The following NFIX variants were observed in gnomAD, a reference collection of about 807,000 sequenced individuals.
The protein encoded by NFIX is nuclear factor 1 X-type.
A neutral mutation model predicts 53.3 loss-of-function variants in NFIX; 2 were observed. The ratio of observed to expected loss-of-function variants is 0.04; its 90% CI spans 0.02 to 0.12. The LOEUF is 0.12. Ranked by LOEUF, NFIX falls within the 10% of genes least tolerant of loss-of-function variation. The pLI, the probability that NFIX is intolerant of heterozygous loss-of-function variation, is 1.00. For missense variants in NFIX, 310 were observed against 674.5 expected (o/e 0.46, Z 5.99); for synonymous variants, 244 against 289.0 (o/e 0.84, Z 1.58).
Position 13,011,329 on chromosome 19 carries a change from T to G in NFIX, c.28-13692T>G, listed in dbSNP as rs2012329211. Among the ~76,000 whole-genome samples the G allele has an allele frequency of 6.6e-6, 1 of 152,204 alleles. No homozygotes were observed. Among genetic ancestry groups the G allele is most frequent in the African/African-American group, 2.4e-5 (1 of 41,448 alleles). On this transcript the variant is annotated intron_variant, in intron 1 of 10. Transcript: ENST00000592199. This position sits in a 1 kb window ranked among gnomAD's most constrained non-coding sequence, Gnocchi z 6.5. ...CTTAAATTAACCCTGAGTGACGGCTTGCAATTCGCCACAAAGAGGCCATTT... is the reference window on the plus strand; with the variant it reads ...CTTAAATTAACCCTGAGTGACGGCTGGCAATTCGCCACAAAGAGGCCATTT...
intron 1 of NFIX, chr19:13,024,516 G>T: frequency 1.3e-6 from 2 of 1,512,814 alleles, no homozygotes; most frequent in South Asian, 2.4e-5. Flanking sequence ...GCCAAAAATC[G>T]ACCGGTGTCG....
chr19:13,072,365 G>A lies in NFIX; in HGVS notation c.560-682G>A, dbSNP rs986881807. On this transcript the variant is annotated intron_variant, in intron 2 of 10. Transcript: ENST00000592199. The surrounding 1 kb of genome is among the most constrained non-coding windows in gnomAD (Gnocchi z 4.0). The stretch of plus-strand genomic sequence containing the variant: ...CTGAGCAGCTGTGGCACCGGGGCAT[G>A]AGACAGCCCAGACAGGCTGGCACAG... Among the ~76,000 whole-genome samples, 4 of 152,264 alleles carry A rather than the reference G, an allele frequency of 2.6e-5. No homozygotes were observed. Among genetic ancestry groups the A allele is most frequent in the Admixed American group, 1.3e-4 (2 of 15,292 alleles).
At chr19:13,007,723 G>A (rs1231012968) in intron 1 of NFIX, among the ~76,000 whole-genome samples, 1 of 82,924 alleles carries the variant, frequency 1.2e-5, no homozygotes, top group African/African-American at 4.6e-5. Context: ...CCCCACACCC[G>A]CTGCCCGCGC....
rs1336636928 is a variant in NFIX at position 13,060,734 on chromosome 19, C to G, written c.560-12313C>G. On this transcript the variant is annotated intron_variant, in intron 2 of 10. Transcript: ENST00000592199. The surrounding 1 kb of genome is among the most constrained non-coding windows in gnomAD (Gnocchi z 4.3). ...AGGCCCAGTCTGGGGCCCTGTGAAG[C>G]GATCTGCACTGCCCAGGGTCAGGGG... 6.6e-6 allele frequency among the ~76,000 whole-genome samples: 1 copy of G among 151,872 alleles called. No individual in the cohort carries two copies. Among genetic ancestry groups the G allele is most frequent in the African/African-American group, 2.4e-5 (1 of 41,354 alleles).
intron 2 of NFIX, among the ~76,000 whole-genome samples, chr19:13,046,763 T>C (rs745424972): frequency 1.7e-4 from 26 of 152,040 alleles, no homozygotes; most frequent in Non-Finnish European, 1.2e-4. Context: ...AGCATGTGAA[T>C]GTCAGGAGCA....
chr19:13,027,496 T>C lies in NFIX; in HGVS notation c.559+1944T>C, dbSNP rs777361210. The stretch of plus-strand genomic sequence containing the variant: ...CATCAGATACTCCTGCACAAGGGGA[T>C]TCTGCACCTTCCAATTTTAGAACCA... On this transcript the variant is annotated intron_variant, in intron 2 of 10. Coordinates refer to ENST00000592199, the MANE Select transcript of NFIX (RefSeq NM_001365902.3). This position sits in a 1 kb window ranked among gnomAD's most constrained non-coding sequence, Gnocchi z 4.3. Among the ~76,000 whole-genome samples, 2 of 152,174 alleles carry C rather than the reference T, an allele frequency of 1.3e-5. No individual in the cohort carries two copies. Among genetic ancestry groups the C allele is most frequent in the Non-Finnish European group, 2.9e-5 (2 of 68,030 alleles).
intron 2 of NFIX, among the ~76,000 whole-genome samples, chr19:13,057,754 C>T (rs2015801507): frequency 6.6e-6 from 1 of 152,098 alleles, no homozygotes; most frequent in African/African-American, 2.4e-5. Flanking sequence ...CTGGGCAGGG[C>T]AGGGGGCACT....
Position 13,049,984 on chromosome 19 carries a change from C to T in NFIX, c.560-23063C>T, listed in dbSNP as rs956204854. ...CATTGATGGATATTTGGGCTCTTTCCACTTTGTGGTGTGAGTAATGTTGCA... is the reference window on the plus strand; with the variant it reads ...CATTGATGGATATTTGGGCTCTTTCTACTTTGTGGTGTGAGTAATGTTGCA... On this transcript the variant is annotated intron_variant, in intron 2 of 10. Coordinates refer to ENST00000592199, the MANE Select transcript of NFIX (RefSeq NM_001365902.3). This position sits in a 1 kb window ranked among gnomAD's most constrained non-coding sequence, Gnocchi z 4.5. 1.3e-5 allele frequency among the ~76,000 whole-genome samples: 2 copies of T among 152,230 alleles called. No individual in the cohort carries two copies. The highest frequency in any genetic ancestry group is 4.8e-5 in the African/African-American group (2 of 41,460).
chr19:13,064,946 A>C (rs1244166512), intron 2 of NFIX, among the ~76,000 whole-genome samples: 2 of 152,224 alleles, frequency 1.3e-5, no homozygotes, highest in Non-Finnish European at 2.9e-5. Context: ...CTTACCCAGG[A>C]ATGCTAATGG....
In NFIX at chr19:13,081,568, C is replaced by CTGCTCAGGA; in HGVS notation, c.1079-110_1079-102dup. ...TTTGTGCCTGTGGCGGCTGCCTTACCTGCTCAGGATCCTCAGGACCCTCTG... is the reference window on the plus strand; with the variant it reads ...TTTGTGCCTGTGGCGGCTGCCTTACCTGCTCAGGATGCTCAGGATCCTCAGGACCCTCTG... On this transcript the variant is annotated intron_variant, in intron 7 of 10. Transcript: ENST00000592199. The surrounding 1 kb of genome is among the most constrained non-coding windows in gnomAD (Gnocchi z 4.7). The CTGCTCAGGA allele has an allele frequency of 8.8e-7, 1 of 1,132,258 alleles. No homozygotes were observed. Among genetic ancestry groups the CTGCTCAGGA allele is most frequent in the Admixed American group, 2.6e-5 (1 of 38,148 alleles). The allele number at this position is 1,132,258 out of a possible 1,614,324, so 70.1% of individuals were successfully genotyped here. A position where few individuals can be genotyped will look rare whatever the true frequency, so the allele number is the denominator to read the frequency against.
rs972646952 is a variant in NFIX, at chr19:13,093,202, A to G, written c.1495-1433A>G. On this transcript the variant is annotated intron_variant, in intron 10 of 10. Transcript: ENST00000592199. The surrounding 1 kb of genome is among the most constrained non-coding windows in gnomAD (Gnocchi z 4.7). ...CCACTTGTGGCTAGTGGCTACTGCAATGGAAATGAGAACATTTCCATTGTC... is the reference window on the plus strand; with the variant it reads ...CCACTTGTGGCTAGTGGCTACTGCAGTGGAAATGAGAACATTTCCATTGTC... Among the ~76,000 whole-genome samples the G allele has an allele frequency of 5.3e-5, 8 of 152,190 alleles. No homozygotes were observed. Among genetic ancestry groups the G allele is most frequent in the Non-Finnish European group, 7.4e-5 (5 of 68,020 alleles).
At chr19:13,050,854 C>T (rs555418067) in intron 2 of NFIX, among the ~76,000 whole-genome samples, 4 of 151,012 alleles carry the variant, frequency 2.6e-5, no homozygotes, top group South Asian at 2.1e-4. Context: ...AGGGGACATG[C>T]GACCTGTCTT....
At chr19:12,997,543 C>T (rs1164018626) in intron 1 of NFIX, among the ~76,000 whole-genome samples, 2 of 152,248 alleles carry the variant, frequency 1.3e-5, no homozygotes, top group Non-Finnish European at 2.9e-5. Context: ...TTGGGCGCCC[C>T]TCACAACAAC....
rs1414917359 is a variant in NFIX at position 13,009,912 on chromosome 19, G to A, written c.27+14048G>A. 6.6e-6 allele frequency among the ~76,000 whole-genome samples: 1 copy of A among 152,168 alleles called. No homozygotes were observed. The highest frequency in any genetic ancestry group is 1.9e-4 in the East Asian group (1 of 5,172). On this transcript the variant is annotated intron_variant, in intron 1 of 10. Coordinates refer to ENST00000592199, the MANE Select transcript of NFIX (RefSeq NM_001365902.3). This position sits in a 1 kb window ranked among gnomAD's most constrained non-coding sequence, Gnocchi z 4.7. ...ACGGGGCCGGGGGTCTTCAAAGGCA[G>A]AGAAGTCTCAGGACTTCAAACCAAC...
rs2011444407 is a variant in NFIX, at chr19:12,995,834, A to C, written c.-4A>C. On this transcript the variant is annotated 5_prime_UTR_variant, in exon 1 of 11. Transcript: ENST00000592199. ...CCGCCGCGCTCCCGCCCGGGCGCCCAGCTATGTACTCCCCGTACTGCCTCA... is the reference window on the plus strand; with the variant it reads ...CCGCCGCGCTCCCGCCCGGGCGCCCCGCTATGTACTCCCCGTACTGCCTCA... 1.0e-6 allele frequency: 1 copy of C among 967,164 alleles called. No individual in the cohort carries two copies. The highest frequency in any genetic ancestry group is 1.2e-6 in the Non-Finnish European group (1 of 817,090). The allele number at this position is 967,164 out of a possible 1,614,324, so 59.9% of individuals were successfully genotyped here. A position where few individuals can be genotyped will look rare whatever the true frequency, so the allele number is the denominator to read the frequency against.
At chr19:13,019,983 T>C (rs567621052) in intron 1 of NFIX, among the ~76,000 whole-genome samples, 2 of 152,148 alleles carry the variant, frequency 1.3e-5, no homozygotes, top group Admixed American at 1.3e-4. Context: ...TGGCTTCCTT[T>C]CCCCATTTCC....
chr19:13,038,618 T>C (rs1160857110), intron 2 of NFIX, among the ~76,000 whole-genome samples: 1 of 152,264 alleles, frequency 6.6e-6, no homozygotes, highest in Non-Finnish European at 1.5e-5. Context: ...ATATGTGAAA[T>C]GTAATCATGA....
chr19:13,075,463 G>C, intron 5 of NFIX, 72 bp from the exon 6 acceptor site: 2 of 1,554,406 alleles, frequency 1.3e-6, no homozygotes, highest in Non-Finnish European at 1.8e-6. Context: ...CAGTTCTTTA[G>C]CCTGGACTCT....
rs2012183687 is a variant in NFIX at position 13,009,111 on chromosome 19, C to T, written c.27+13247C>T. 6.6e-6 allele frequency among the ~76,000 whole-genome samples: 1 copy of T among 152,216 alleles called. No individual in the cohort carries two copies. The highest frequency in any genetic ancestry group is 1.5e-5 in the Non-Finnish European group (1 of 68,036). Reference sequence around the variant, plus strand: ...CAGTGACAGCCTGTCACAAGCACCGCCGCACACCGGCACAATCTGTCGTCC... The same window carrying T: ...CAGTGACAGCCTGTCACAAGCACCGTCGCACACCGGCACAATCTGTCGTCC... On this transcript the variant is annotated intron_variant, in intron 1 of 10. Coordinates refer to ENST00000592199, the MANE Select transcript of NFIX (RefSeq NM_001365902.3). The surrounding 1 kb of genome is among the most constrained non-coding windows in gnomAD (Gnocchi z 4.7).
Sources: allele counts gnomAD v4.1 joint callset (sites outside exome capture counted in the v4.1 genomes callset), GRCh38; gene constraint gnomAD v4.1.1; non-coding constraint Gnocchi (gnomAD v3.1); transcripts MANE v1.5; gene names NCBI Gene and HGNC (gene_info 2026-07-23, HGNC 2026-07-21).